NAALADL2: variants seen among roughly 807,000 people sequenced by gnomAD.
NAALADL2 encodes the protein N-acetylated alpha-linked acidic dipeptidase like 2, also known as inactive N-acetylated-alpha-linked acidic dipeptidase-like protein 2.
Under a neutral mutation model 87.2 loss-of-function variants are expected in NAALADL2, and 76 were observed. The ratio of observed to expected loss-of-function variants is 0.87; its 90% confidence interval spans 0.72 to 1.05. The LOEUF is 1.05. Ranked by LOEUF, NAALADL2 falls within the 50% of genes least tolerant of loss-of-function variation. The pLI, the probability that NAALADL2 is intolerant of heterozygous loss-of-function variation, is 0.00. For synonymous variants in NAALADL2, 354 were observed against 331.0 expected, an observed-to-expected ratio of 1.07 and a Z score of -0.75; for missense variants, 1,089 against 945.8, an observed-to-expected ratio of 1.15 and a Z score of -1.99.
chr3:175,148,085 G>GATAATA (rs777909114), intron 2 of NAALADL2, among the ~76,000 whole-genome samples: 13,192 of 110,008 alleles, frequency 0.12, 745 homozygotes, highest in East Asian at 0.23. Flanking sequence ...TAATAATAAT[G>GATAATA]ATAATGATAA....
At chr3:175,048,099 G>T (rs759817500) in intron 1 of NAALADL2, among the ~76,000 whole-genome samples, 32 of 152,148 alleles carry the variant, frequency 2.1e-4, no homozygotes, top group Middle Eastern at 3.4e-3. Flanking sequence ...GTAGCTTTTT[G>T]ATAAGTTGGA....
intron 2 of NAALADL2, among the ~76,000 whole-genome samples, chr3:174,660,745 AAAG>A (rs1254816192): frequency 6.6e-5 from 10 of 152,060 alleles, no homozygotes. Flanking sequence ...TAATAAACAA[AAAG>A]AACATAATTT....
At chr3:175,414,949 A>G (rs1359138235) in intron 5 of NAALADL2, among the ~76,000 whole-genome samples, 2 of 152,236 alleles carry the variant, frequency 1.3e-5, no homozygotes, top group Non-Finnish European at 2.9e-5. Flanking sequence ...AACTTGGAAT[A>G]AATGATGAAC....
chr3:175,088,342 C>T lies in NAALADL2; in HGVS notation c.44-8448C>T, dbSNP rs79404817. Among the ~76,000 whole-genome samples the T allele has an allele frequency of 7.6e-3, 1,158 of 152,266 alleles. 16 individuals carry two copies. Among genetic ancestry groups the T allele is most frequent in the African/African-American group, 0.026 (1,081 of 41,550 alleles). ...TAACAGAATTTTAAATGAACATAGA[C>T]ATACTGTGCAAATGTGTTTCTCTGA... On this transcript the variant is annotated intron_variant, in intron 1 of 13. Transcript: ENST00000454872.
At chr3:174,794,166 A>G (rs1254654731) in intron 3 of NAALADL2, among the ~76,000 whole-genome samples, 1 of 152,100 alleles carries the variant, frequency 6.6e-6, no homozygotes, top group African/African-American at 2.4e-5. Context: ...TGACTTTATG[A>G]GACTTTTAAA....
chr3:175,160,439 A>C (rs1400763230), intron 2 of NAALADL2, among the ~76,000 whole-genome samples: 7 of 104,848 alleles, frequency 6.7e-5, no homozygotes, highest in Admixed American at 1.5e-4. Context: ...CGCAACCTCC[A>C]CCTCCCAGTT....
At chr3:175,495,124 A>G (rs1287234210) in intron 9 of NAALADL2, among the ~76,000 whole-genome samples, 1 of 147,726 alleles carries the variant, frequency 6.8e-6, no homozygotes, top group East Asian at 2.0e-4. Flanking sequence ...TTTCTAGATC[A>G]TGCTGGAGCA....
Position 175,538,565 on chromosome 3 carries a change from A to T in NAALADL2, c.1654-37476A>T, listed in dbSNP as rs112692934. Among the ~76,000 whole-genome samples, 557 of 152,264 alleles carry T rather than the reference A, an allele frequency of 3.7e-3. 1 individual carries two copies. Among genetic ancestry groups the T allele is most frequent in the Middle Eastern group, 0.01 (3 of 294 alleles). ...ATTAGCTGAAGTTTTCTATCCTAAT[A>T]TTGAATTATATAGATATAGGAATAG... On this transcript the variant is annotated intron_variant, in intron 9 of 13. Transcript: ENST00000454872.
intron 2 of NAALADL2, among the ~76,000 whole-genome samples, chr3:174,572,750 G>T (rs1373297797): frequency 1.3e-5 from 2 of 152,094 alleles, no homozygotes; most frequent in African/African-American, 4.8e-5. Context: ...TGTTATTCCT[G>T]GTAGCAATAC....
chr3:175,755,177 T>G, intron 12 of NAALADL2, 43 bp from the exon 13 acceptor site: 1 of 1,555,942 alleles, frequency 6.4e-7, no homozygotes, highest in Non-Finnish European at 8.8e-7. Flanking sequence ...TTTTGCTCCC[T>G]TGAGAATGTC....
At chr3:175,067,258 C>G (rs1458130122) in intron 1 of NAALADL2, among the ~76,000 whole-genome samples, 2 of 152,104 alleles carry the variant, frequency 1.3e-5, no homozygotes, top group African/African-American at 4.8e-5. Context: ...CCTAATTAAA[C>G]TGAAGAGCTT....
intron 2 of NAALADL2, among the ~76,000 whole-genome samples, chr3:174,707,727 T>G (rs563416867): frequency 7.3e-5 from 11 of 151,552 alleles, no homozygotes; most frequent in Non-Finnish European, 1.5e-4. Context: ...CACACCAACA[T>G]GGCATATGTA....
At chr3:175,229,597 A>T (rs1483052857) in intron 2 of NAALADL2, among the ~76,000 whole-genome samples, 1 of 151,898 alleles carries the variant, frequency 6.6e-6, no homozygotes, top group African/African-American at 2.4e-5. Context: ...TCCCTCATGG[A>T]TGGTGCTTTT....
chr3:174,912,346 A>G (rs370381246), intron 1 of NAALADL2, among the ~76,000 whole-genome samples: 17 of 151,518 alleles, frequency 1.1e-4, no homozygotes, highest in African/African-American at 3.9e-4. Context: ...CAACTTCAGC[A>G]TAAAGTGTAA....
intron 1 of NAALADL2, among the ~76,000 whole-genome samples, chr3:174,888,404 A>G (rs1389802477): frequency 6.6e-6 from 1 of 152,230 alleles, no homozygotes; most frequent in African/African-American, 2.4e-5. Context: ...TACTGTAAAA[A>G]TAGGTTACTG....
chr3:175,722,206 A>G (rs1742334259), intron 11 of NAALADL2, among the ~76,000 whole-genome samples: 1 of 152,108 alleles, frequency 6.6e-6, no homozygotes, highest in Non-Finnish European at 1.5e-5. Flanking sequence ...AGGTGATAAA[A>G]TCAGACAGAG....
At chr3:175,203,981 G>A (rs1011188859) in intron 2 of NAALADL2, among the ~76,000 whole-genome samples, 3 of 152,116 alleles carry the variant, frequency 2.0e-5, no homozygotes. Context: ...AAAGGCCAGG[G>A]CCAGACAAAT....
At chr3:175,492,662 A>G (rs959179695) in intron 9 of NAALADL2, among the ~76,000 whole-genome samples, 1 of 152,180 alleles carries the variant, frequency 6.6e-6, no homozygotes, top group Admixed American at 6.6e-5. Context: ...TTCACATACA[A>G]GTGAATTACT....
intron 5 of NAALADL2, among the ~76,000 whole-genome samples, chr3:175,385,089 C>T (rs1371439060): frequency 2.6e-5 from 4 of 152,012 alleles, no homozygotes; most frequent in African/African-American, 9.7e-5. Context: ...ATTTAGTATT[C>T]TGATTAACCT....
Sources: gnomAD v4.1 joint callset for allele counts (sites outside exome capture counted in the v4.1 genomes callset) on GRCh38, gnomAD v4.1.1 for gene constraint, MANE v1.5 for transcripts, NCBI Gene and HGNC (gene_info 2026-07-23, HGNC 2026-07-21) for gene names.